EHBP1: variants seen among roughly 807,000 people sequenced by gnomAD.
EHBP1 encodes EH domain binding protein 1.
EHBP1 carries 55 observed loss-of-function variants against 144.0 expected under a neutral mutation model. That is an observed-to-expected ratio of 0.38 (90% CI 0.31 to 0.48). EHBP1 has a LOEUF of 0.48. EHBP1 is among the 20% of genes least tolerant of loss of function. The probability of loss-of-function intolerance (pLI) is 0.98; values close to 1 mark genes in which losing one functional copy is unlikely to be tolerated. For missense variants in EHBP1, 1,200 were observed against 1,364.2 expected (o/e 0.88, Z 1.90); for synonymous variants, 469 against 472.7 (o/e 0.99, Z 0.10).
chr2:63,024,531 G>C (rs1200147813), intron 19 of EHBP1, among the ~76,000 whole-genome samples: 1 of 149,080 alleles, frequency 6.7e-6, no homozygotes, highest in Admixed American at 6.8e-5. Context: ...GAACCCAGGA[G>C]GTCAAGGCTA....
intron 9 of EHBP1, among the ~76,000 whole-genome samples, chr2:62,872,802 C>T (rs1367883954): frequency 2.0e-5 from 3 of 152,226 alleles, no homozygotes; most frequent in East Asian, 3.9e-4. Flanking sequence ...CTTTCTGTTT[C>T]TGTGAATTTG....
At chr2:62,854,063 T>G (rs1320136281) in intron 7 of EHBP1, among the ~76,000 whole-genome samples, 1 of 152,216 alleles carries the variant, frequency 6.6e-6, no homozygotes, top group African/African-American at 2.4e-5. Flanking sequence ...TAAATGAGCA[T>G]CTACTTCAAC....
intron 10 of EHBP1, among the ~76,000 whole-genome samples, chr2:62,892,555 G>T (rs1027951185): frequency 2.0e-5 from 3 of 152,010 alleles, no homozygotes; most frequent in Non-Finnish European, 4.4e-5. Flanking sequence ...TCATACAGAT[G>T]TGAAAAAATT....
At position 62,898,797 on chromosome 2, in the gene EHBP1, G is replaced by A. The variant is rs146320228; in HGVS notation, c.1185+24265G>A. 3.1e-3 allele frequency among the ~76,000 whole-genome samples: 478 copies of A among 152,264 alleles called. 3 individuals are homozygous for A. Among genetic ancestry groups the A allele is most frequent in the African/African-American group, 0.011 (444 of 41,560 alleles). On this transcript the variant is annotated intron_variant, in intron 10 of 22. Transcript: ENST00000431489. ...AAGGAAGAGGGGAGAAAAGAGGATCGGAGAGGAGACCAAGACAGTCATCCT... is the reference window on the plus strand; with the variant it reads ...AAGGAAGAGGGGAGAAAAGAGGATCAGAGAGGAGACCAAGACAGTCATCCT...
chr2:62,881,079 A>G (rs1001471101), intron 10 of EHBP1, among the ~76,000 whole-genome samples: 1 of 152,062 alleles, frequency 6.6e-6, no homozygotes, highest in East Asian at 1.9e-4. Context: ...GAACAAAATC[A>G]TGTTCTTTGC....
intron 9 of EHBP1, among the ~76,000 whole-genome samples, chr2:62,870,174 T>C (rs1471047891): frequency 1.3e-5 from 2 of 152,182 alleles, no homozygotes; most frequent in Non-Finnish European, 2.9e-5. Flanking sequence ...TTTGGGGTAA[T>C]AGCTTTGTGC....
At chr2:62,826,901 C>T in intron 6 of EHBP1, among the ~76,000 whole-genome samples, 1 of 152,026 alleles carries the variant, frequency 6.6e-6, no homozygotes, top group East Asian at 1.9e-4. Context: ...TAAGATTCAC[C>T]CTGGTTATTG....
chr2:63,010,350 A>C (rs1016215944), intron 19 of EHBP1, among the ~76,000 whole-genome samples: 2 of 151,476 alleles, frequency 1.3e-5, no homozygotes, highest in African/African-American at 2.4e-5. Flanking sequence ...ATACTCTTAC[A>C]TAGTTTGTTT....
intron 10 of EHBP1, among the ~76,000 whole-genome samples, chr2:62,910,740 C>A (rs369209422): frequency 5.9e-5 from 9 of 152,226 alleles, no homozygotes; most frequent in African/African-American, 2.2e-4. Context: ...AAAAAGCATG[C>A]CAGGTTTTCA....
chr2:63,039,527 G>A (rs764046394), intron 21 of EHBP1, among the ~76,000 whole-genome samples: 1 of 151,930 alleles, frequency 6.6e-6, no homozygotes, highest in African/African-American at 2.4e-5. Context: ...AATCCTTTGG[G>A]CTCTGTAAAA....
At chr2:62,783,573 G>T (rs963448081) in intron 5 of EHBP1, among the ~76,000 whole-genome samples, 5 of 152,244 alleles carry the variant, frequency 3.3e-5, no homozygotes, top group African/African-American at 1.2e-4. Context: ...CCACGTAGAA[G>T]CTGCCAAGGC....
chr2:62,719,303 T>G (rs1021085496), intron 2 of EHBP1, among the ~76,000 whole-genome samples: 1 of 152,192 alleles, frequency 6.6e-6, no homozygotes, highest in Non-Finnish European at 1.5e-5. Flanking sequence ...TGAAACTTCT[T>G]AAGTACTTGC....
At chr2:62,762,139 G>A (rs1162201269) in intron 3 of EHBP1, among the ~76,000 whole-genome samples, 4 of 152,030 alleles carry the variant, frequency 2.6e-5, no homozygotes, top group African/African-American at 9.7e-5. Context: ...CCCAGTGACC[G>A]TTTTTCAGGC....
At chr2:62,760,107 G>T (rs1290597004) in intron 3 of EHBP1, among the ~76,000 whole-genome samples, 1 of 152,098 alleles carries the variant, frequency 6.6e-6, no homozygotes, top group Non-Finnish European at 1.5e-5. Context: ...CACATATGCA[G>T]GTTTTGCATC....
intron 17 of EHBP1, 79 bp downstream of exon 17, chr2:62,993,747 T>C (rs990493720): frequency 3.0e-6 from 2 of 677,308 alleles, no homozygotes; most frequent in Non-Finnish European, 4.1e-6. Flanking sequence ...ATATATATAG[T>C]ATATATATAT....
At chr2:62,840,746 T>C (rs1241969783) in intron 7 of EHBP1, among the ~76,000 whole-genome samples, 4 of 151,230 alleles carry the variant, frequency 2.6e-5, no homozygotes, top group East Asian at 1.9e-4. Flanking sequence ...AAAATGCTCA[T>C]CATCACTGGC....
At chr2:63,036,265 CAA>C (rs1368987744) in intron 19 of EHBP1, among the ~76,000 whole-genome samples, 1 of 151,866 alleles carries the variant, frequency 6.6e-6, no homozygotes, top group Non-Finnish European at 1.5e-5. Flanking sequence ...TATGACAAAA[CAA>C]ATCATAGATG....
intron 9 of EHBP1, among the ~76,000 whole-genome samples, chr2:62,868,366 C>G (rs1163557382): frequency 6.6e-6 from 1 of 151,704 alleles, no homozygotes; most frequent in East Asian, 1.9e-4. Flanking sequence ...GCAACAACAG[C>G]AAAACTCCAC....
At chr2:62,907,457 C>T (rs2053892384) in intron 10 of EHBP1, among the ~76,000 whole-genome samples, 1 of 152,192 alleles carries the variant, frequency 6.6e-6, no homozygotes, top group Non-Finnish European at 1.5e-5. Flanking sequence ...TTGGCTTAAA[C>T]AGCAGTCACA....
Sources: allele counts gnomAD v4.1 joint callset (sites outside exome capture counted in the v4.1 genomes callset), GRCh38; gene constraint gnomAD v4.1.1; transcripts MANE v1.5; gene names NCBI Gene and HGNC (gene_info 2026-07-23, HGNC 2026-07-21).